Variants in CLECL1 observed in about 807,000 individuals in gnomAD.
CLECL1 encodes the protein C-type lectin like 1.
intron 3 of CLECL1, among the ~76,000 whole-genome samples, chr12:9,723,441 GAC>G (rs61508153): frequency 9.5e-6 from 1 of 105,292 alleles, no homozygotes; most frequent in Non-Finnish European, 2.0e-5. Context: ...GAGACAGACA[GAC>G]ACACACACAC....
chr12:9,719,504 C>A (rs750456741), downstream of CLECL1, among the ~76,000 whole-genome samples: 1 of 152,060 alleles, frequency 6.6e-6, no homozygotes, highest in Non-Finnish European at 1.5e-5. Flanking sequence ...CCAGCCTGGG[C>A]GAAAGAGCGA....
chr12:9,718,712 G>C (rs1180762979), downstream of CLECL1: 8 of 700,266 alleles, frequency 1.1e-5, no homozygotes, highest in Non-Finnish European at 2.1e-5. Context: ...GATACACAGA[G>C]ACATCAGAGA....
intron 2 of CLECL1, among the ~76,000 whole-genome samples, chr12:9,717,182 G>A (rs1308427217): frequency 6.6e-6 from 1 of 152,154 alleles, no homozygotes; most frequent in Non-Finnish European, 1.5e-5. Context: ...AGGCGGAGGC[G>A]GGCAGATCAC....
exon 1 of CLECL1, chr12:9,733,016 T>C (rs756270202): frequency 1.2e-5 from 19 of 1,614,052 alleles, no homozygotes; most frequent in Non-Finnish European, 1.5e-5. Flanking sequence ...CAGCGTAGAC[T>C]ACATCTCCAG....
downstream of CLECL1, among the ~76,000 whole-genome samples, chr12:9,713,279 C>A (rs1484992171): frequency 6.6e-6 from 1 of 152,236 alleles, no homozygotes; most frequent in Non-Finnish European, 1.5e-5. Flanking sequence ...AACTACCTAT[C>A]TCACTCAGTA....
intron 3 of CLECL1, among the ~76,000 whole-genome samples, chr12:9,726,265 A>G (rs1011127792): frequency 7.2e-5 from 11 of 151,974 alleles, no homozygotes; most frequent in African/African-American, 2.4e-4. Flanking sequence ...AGAAATAAAA[A>G]CATCACATCA....
chr12:9,718,978 GT>G (rs1555111739), downstream of CLECL1, among the ~76,000 whole-genome samples: 1 of 152,212 alleles, frequency 6.6e-6, no homozygotes. Context: ...AGTGTCTTGG[GT>G]TTTTTTGTGT....
the CLECL1 span, chr12:9,709,319 C>T: frequency 6.6e-6 from 1 of 152,448 alleles, no homozygotes; most frequent in African/African-American, 2.4e-5. Context: ...CCCAACCTCC[C>T]TATCCAGCTT....
At chr12:9,714,137 C>A (rs1464622651), downstream of CLECL1, among the ~76,000 whole-genome samples, 3 of 152,182 alleles carry the variant, frequency 2.0e-5, no homozygotes, top group Non-Finnish European at 4.4e-5. Flanking sequence ...ATTTCTAAAA[C>A]AGCTTGTAAC....
chr12:9,731,298 C>T (rs1866444464), intron 1 of CLECL1, among the ~76,000 whole-genome samples: 2 of 152,158 alleles, frequency 1.3e-5, no homozygotes, highest in Admixed American at 1.3e-4. Flanking sequence ...AATTATTTTA[C>T]TTATCAAGCA....
the CLECL1 span, among the ~76,000 whole-genome samples, chr12:9,708,068 C>T: frequency 5.9e-5 from 9 of 152,286 alleles, no homozygotes; most frequent in African/African-American, 2.2e-4. Flanking sequence ...AGGCCAAGTT[C>T]AGCAGCCACG....
At position 9,726,591 on chromosome 12, in the gene CLECL1, C is replaced by T. The variant is rs77406903; in HGVS notation, n.262+974G>A. On this transcript the variant is annotated intron_variant and non_coding_transcript_variant, in intron 3 of 3. Transcript: ENST00000621400. ...GAATGGTGGTTGAATAGATCAACTACGTTTTACTTTACATATTTTAAGTCC... is the reference window on the plus strand; with the variant it reads ...GAATGGTGGTTGAATAGATCAACTATGTTTTACTTTACATATTTTAAGTCC... 7.7e-3 allele frequency among the ~76,000 whole-genome samples: 1,174 copies of T among 152,008 alleles called. 18 individuals are homozygous for T. The highest frequency in any genetic ancestry group is 0.027 in the African/African-American group (1,104 of 41,530).
chr12:9,706,962 C>G, the CLECL1 span, among the ~76,000 whole-genome samples: 2 of 152,118 alleles, frequency 1.3e-5, no homozygotes, highest in African/African-American at 2.4e-5. Context: ...TTGAATTCAG[C>G]TGTGAATCCA....
upstream of CLECL1, chr12:9,733,255 T>G (rs1164015684): frequency 6.2e-7 from 1 of 1,604,912 alleles, no homozygotes. Flanking sequence ...TGGAAGAAAT[T>G]ACTAACCATA....
downstream of CLECL1, among the ~76,000 whole-genome samples, chr12:9,713,295 T>C (rs1866212391): frequency 6.6e-6 from 1 of 152,224 alleles, no homozygotes; most frequent in African/African-American, 2.4e-5. Context: ...CAGTAAAACG[T>C]GAAGGTTTCC....
chr12:9,718,732 A>G (rs758447487), downstream of CLECL1: 190 of 701,672 alleles, frequency 2.7e-4, 1 homozygote, highest in African/African-American at 2.8e-3. Context: ...ATGTACACAC[A>G]TTGAAGAAAT....
intron 1 of CLECL1, among the ~76,000 whole-genome samples, chr12:9,730,230 A>T (rs1366801458): frequency 2.0e-5 from 3 of 152,218 alleles, no homozygotes; most frequent in Non-Finnish European, 2.9e-5. Flanking sequence ...TGACTACCAG[A>T]CTAGTGCTGC....
intron 2 of CLECL1, among the ~76,000 whole-genome samples, chr12:9,728,620 A>G (rs937006443): frequency 6.6e-6 from 1 of 151,916 alleles, no homozygotes; most frequent in Admixed American, 6.6e-5. Context: ...AATCTATTTT[A>G]CTAAAAAACT....
At chr12:9,716,167 T>A (rs1866237710) in exon 3 of CLECL1, 1 of 152,432 alleles carries the variant, frequency 6.6e-6, no homozygotes, top group Non-Finnish European at 1.5e-5. Context: ...ACTGTGTTTC[T>A]GCCTTCCCAG....
Sources: allele counts gnomAD v4.1 joint callset (sites outside exome capture counted in the v4.1 genomes callset), GRCh38; gene constraint gnomAD v4.1.1; transcripts MANE v1.5; gene names NCBI Gene and HGNC (gene_info 2026-07-23, HGNC 2026-07-21).